PTK7: variants seen among roughly 807,000 people sequenced by gnomAD.
PTK7 encodes inactive tyrosine-protein kinase 7.
Under a neutral mutation model 116.6 loss-of-function variants are expected in PTK7, and 39 were observed. The observed-to-expected ratio is 0.33, with a 90% CI of 0.26 to 0.44. PTK7 has a LOEUF of 0.44. Ranked by LOEUF, PTK7 falls within the 20% of genes least tolerant of loss-of-function variation. The probability of loss-of-function intolerance (pLI) is 1.00; values close to 1 mark genes in which losing one functional copy is unlikely to be tolerated. For missense variants in PTK7, 1,169 were observed against 1,425.6 expected (o/e 0.82, Z 2.90); for synonymous variants, 546 against 563.6 (o/e 0.97, Z 0.44).
At chr6:43,157,364 A>AAATATATATATATATATTTTTT (rs1771544666) in intron 17 of PTK7, among the ~76,000 whole-genome samples, 1 of 54,364 alleles carries the variant, frequency 1.8e-5, no homozygotes, top group East Asian at 8.0e-4. Flanking sequence ...ATATATATAT[A>AAATATATATATATATATTTTTT]TTTTTTTTTT....
chr6:43,159,635 C>T, intron 18 of PTK7, 153 bp from the exon 19 acceptor site: 1 of 729,710 alleles, frequency 1.4e-6, no homozygotes, highest in Non-Finnish European at 2.4e-6. Context: ...AGTGTACTCC[C>T]ATGCTCAGCA....
intron 1 of PTK7, among the ~76,000 whole-genome samples, chr6:43,117,463 A>G (rs1367546018): frequency 1.3e-5 from 2 of 152,210 alleles, no homozygotes; most frequent in East Asian, 3.9e-4. Context: ...AATGAGTGAA[A>G]TGAGAAGCAG....
chr6:43,110,095 C>G (rs1044597983), intron 1 of PTK7, among the ~76,000 whole-genome samples: 1 of 147,834 alleles, frequency 6.8e-6, no homozygotes, highest in South Asian at 2.2e-4. Context: ...CTCCTAGGTT[C>G]CAGTGATTCT....
rs201351018 is a variant in PTK7 at position 43,145,357 on chromosome 6, C to T, written c.2565C>T (p.His855=). Reference sequence around the variant, plus strand: ...TGGAGATGTTTGGGAAGCTGAACCACGCCAACGTGGTGCGGCTCCTGGGGC... The same window carrying T: ...TGGAGATGTTTGGGAAGCTGAACCATGCCAACGTGGTGCGGCTCCTGGGGC... The part of the protein sequence containing the change: ...RELEMFGKLN[H]ANVVRLLGLC... The change falls in exon 16 of 20, where the codon CAC becomes CAT. Residue 855 remains histidine (H), a synonymous_variant. Coordinates refer to ENST00000230419, the MANE Select transcript of PTK7 (RefSeq NM_002821.5). The surrounding 1 kb of genome is among the most constrained non-coding windows in gnomAD (Gnocchi z 4.8). 33 of 1,613,234 alleles carry T rather than the reference C, an allele frequency of 2.0e-5. No homozygotes were observed. The East Asian group carries it at 4.2e-4, about 21-fold the overall frequency.
rs185030754 is a variant in PTK7 at position 43,093,485 on chromosome 6, C to A, written c.79+16918C>A. ...TAACAAGACAAGGATACAGAGAAGA[C>A]CAAAGAGAGGCACACAGTAAATGTC... On this transcript the variant is annotated intron_variant, in intron 1 of 19. Coordinates refer to ENST00000230419, the MANE Select transcript of PTK7 (RefSeq NM_002821.5). Among the ~76,000 whole-genome samples the A allele has an allele frequency of 3.6e-3, 546 of 152,088 alleles. 3 individuals carry two copies. Among genetic ancestry groups the A allele is most frequent in the Admixed American group, 6.5e-3 (100 of 15,268 alleles).
At position 43,139,290 on chromosome 6, in the gene PTK7, G is replaced by C; in HGVS notation, c.1498+19G>C. Reference sequence around the variant, plus strand: ...GTGCTGGGTGAGCCAGCATGTCTTGGGGGAGCACCCTTCCTGGCTAGGCAG... The same window carrying C: ...GTGCTGGGTGAGCCAGCATGTCTTGCGGGAGCACCCTTCCTGGCTAGGCAG... On this transcript the variant is annotated intron_variant, in intron 9 of 19. Transcript: ENST00000230419. The surrounding 1 kb of genome is among the most constrained non-coding windows in gnomAD (Gnocchi z 4.6). 6.2e-7 allele frequency: 1 copy of C among 1,614,250 alleles called. No individual in the cohort carries two copies. The highest frequency in any genetic ancestry group is 8.5e-7 in the Non-Finnish European group (1 of 1,180,046).
intron 17 of PTK7, 97 bp from the exon 18 acceptor site, chr6:43,158,720 C>T (rs181586532): frequency 7.4e-7 from 1 of 1,350,504 alleles, no homozygotes; most frequent in East Asian, 2.5e-5. Context: ...CTACGCAGCA[C>T]ACCAATAGTG....
chr6:43,151,565 C>T (rs1481759312), intron 17 of PTK7, among the ~76,000 whole-genome samples: 1 of 140,770 alleles, frequency 7.1e-6, no homozygotes, highest in Non-Finnish European at 1.5e-5. Flanking sequence ...CGGAGTCTCA[C>T]TCCGTCGCCA....
Position 43,126,126 on chromosome 6 carries a change from C to A in PTK7, c.80-2851C>A, listed in dbSNP as rs367871253. On this transcript the variant is annotated intron_variant, in intron 1 of 19. Transcript: ENST00000230419. ...CTTGAGGTCAGGAGCTCGAGACTAG[C>A]CTGGCCAACATGGTGAAACCCTGTC... Among the ~76,000 whole-genome samples the A allele has an allele frequency of 3.9e-4, 59 of 152,176 alleles. 1 individual carries two copies. In the East Asian group the frequency reaches 0.01, roughly 27 times the overall value.
intron 1 of PTK7, among the ~76,000 whole-genome samples, chr6:43,127,773 C>CA (rs1462978195): frequency 2.6e-5 from 4 of 152,184 alleles, no homozygotes; most frequent in Middle Eastern, 3.4e-3. Flanking sequence ...ACTAAAAATA[C>CA]AAAAAATTAG....
rs111334178 is a variant in PTK7 at position 43,144,939 on chromosome 6, C to T, written c.2408-261C>T. On this transcript the variant is annotated intron_variant, in intron 15 of 19. Transcript: ENST00000230419. ...CATAGTTACGTTTTTTCCTAGCATA[C>T]GTTAAGACATGTTTACCATGAGCCA... 4.0e-3 allele frequency: 1,712 copies of T among 427,152 alleles called. 3 individuals carry two copies. Among genetic ancestry groups the T allele is most frequent in the Admixed American group, 5.6e-3 (145 of 25,904 alleles). The allele number at this position is 427,152 out of a possible 1,614,324, so 26.5% of individuals were successfully genotyped here.
chr6:43,101,566 A>T (rs867560160), intron 1 of PTK7, among the ~76,000 whole-genome samples: 9 of 152,034 alleles, frequency 5.9e-5, no homozygotes, highest in South Asian at 2.1e-4. Flanking sequence ...AAAAAAATAA[A>T]AAAAAAAAGA....
intron 1 of PTK7, among the ~76,000 whole-genome samples, chr6:43,091,656 T>A (rs902685417): frequency 5.9e-5 from 9 of 152,242 alleles, no homozygotes; most frequent in African/African-American, 2.2e-4. Context: ...TTTCATTTTC[T>A]GTGGTTTCAG....
intron 7 of PTK7, 176 bp downstream of exon 7, chr6:43,132,863 GT>G: frequency 1.2e-6 from 1 of 852,966 alleles, no homozygotes; most frequent in Non-Finnish European, 1.9e-6. Flanking sequence ...AGGCACAGGG[GT>G]TAGGGTGGGT....
intron 1 of PTK7, among the ~76,000 whole-genome samples, chr6:43,094,020 A>G (rs969983049): frequency 2.0e-5 from 3 of 152,250 alleles, no homozygotes; most frequent in Non-Finnish European, 2.9e-5. Context: ...GCAAAGGAAG[A>G]CTGGGCCAGC....
At chr6:43,081,838 T>C (rs1766400577) in intron 1 of PTK7, among the ~76,000 whole-genome samples, 1 of 152,296 alleles carries the variant, frequency 6.6e-6, no homozygotes, top group East Asian at 1.9e-4. Context: ...CCTCCCCAGC[T>C]TCTTTGAGTT....
chr6:43,154,691 G>A (rs1771318530), intron 17 of PTK7, among the ~76,000 whole-genome samples: 2 of 152,232 alleles, frequency 1.3e-5, no homozygotes, highest in African/African-American at 2.4e-5. Flanking sequence ...AGAAAACTGA[G>A]AAGAGATGTC....
chr6:43,130,549 G>A lies in PTK7; in HGVS notation c.700G>A (p.Val234Met), dbSNP rs374349405. ...CAGGGTGGTGCTGGCACCCCAGGAC[G>A]TGGTAGTAGCGAGGTATGAGGAGGC... Reference protein sequence around the residue: ...FARVVLAPQDVVVARYEEAMF... With the variant: ...FARVVLAPQDMVVARYEEAMF... Residue 234 changes from valine (V) to methionine (M), a missense_variant, in exon 5 of 20, where the codon GTG (valine) becomes ATG (methionine). Physicochemically the swap from Val to Met is conservative, Grantham distance 21 (BLOSUM62 1). This residue lies in a region of PTK7 where 487 missense variants were observed against 549.8 expected (regional missense o/e 0.89). Coordinates refer to ENST00000230419, the MANE Select transcript of PTK7 (RefSeq NM_002821.5). The A allele has an allele frequency of 7.1e-5, 115 of 1,614,096 alleles. 1 individual carries two copies. Among genetic ancestry groups the A allele is most frequent in the Middle Eastern group, 4.9e-4 (3 of 6,062 alleles).
intron 1 of PTK7, among the ~76,000 whole-genome samples, chr6:43,097,245 C>A (rs541392991): frequency 1.1e-3 from 175 of 152,296 alleles, no homozygotes; most frequent in Non-Finnish European, 2.0e-3. Flanking sequence ...AACCTGAAGC[C>A]GGTGCTGTCT....
Sources: gnomAD v4.1 joint callset for allele counts (sites outside exome capture counted in the v4.1 genomes callset) on GRCh38, gnomAD v4.1.1 for gene constraint, gnomAD v4.1.1 regional missense constraint, Gnocchi (gnomAD v3.1) non-coding constraint, MANE v1.5 for transcripts, NCBI Gene and HGNC (gene_info 2026-07-23, HGNC 2026-07-21) for gene names.